The following CACNA1H variants were observed in gnomAD, a reference collection of about 807,000 sequenced individuals.
CACNA1H encodes calcium voltage-gated channel subunit alpha1 H, also known as voltage-dependent T-type calcium channel subunit alpha-1H.
A neutral mutation model predicts 192.5 loss-of-function variants in CACNA1H; 149 were observed. That is an observed-to-expected ratio of 0.77 (90% CI 0.68 to 0.89). CACNA1H has a LOEUF of 0.89. Ranked by LOEUF, CACNA1H falls within the 40% of genes least tolerant of loss-of-function variation. The pLI, the probability that CACNA1H is intolerant of heterozygous loss-of-function variation, is 0.00. For missense variants in CACNA1H, 4,257 were observed against 3,423.5 expected, an observed-to-expected ratio of 1.24 and a Z score of -6.08; for synonymous variants, 2,202 against 1,475.2, an observed-to-expected ratio of 1.49 and a Z score of -11.29.
chr16:1,159,415 G>C (rs1962884917), intron 2 of CACNA1H: 1 of 152,146 alleles, frequency 6.6e-6, no homozygotes, highest in South Asian at 2.1e-4. Flanking sequence ...GGGGATGTCT[G>C]TATAGCAGAT....
In CACNA1H at chr16:1,213,826, C is replaced by G. The variant is rs1969742358; in HGVS notation, c.4824C>G (p.Arg1608=). ...PYYADYSPTR[R]SIHSLCTSHY... is the part of the protein sequence containing the mutation. ...ATGCCGACTACTCGCCCACGCGCCGCTCCATTCACTCGCTGTGCACCAGCC... is the reference window on the plus strand; with the variant it reads ...ATGCCGACTACTCGCCCACGCGCCGGTCCATTCACTCGCTGTGCACCAGCC... Residue 1608 remains arginine (R), a synonymous_variant, in exon 27 of 35, where the codon CGC becomes CGG. Transcript: ENST00000348261. 6.3e-7 allele frequency: 1 copy of G among 1,592,754 alleles called. No homozygotes were observed. The highest frequency in any genetic ancestry group is 8.5e-7 in the Non-Finnish European group (1 of 1,170,898).
In CACNA1H at chr16:1,180,341, G is replaced by A. The variant is rs1442799460; in HGVS notation, c.300-14631G>A. Among the ~76,000 whole-genome samples, 1 of 152,224 alleles carries A rather than the reference G, an allele frequency of 6.6e-6. No individual in the cohort carries two copies. Among genetic ancestry groups the A allele is most frequent in the Non-Finnish European group, 1.5e-5 (1 of 68,044 alleles). ...CGGGCTGCTGTGGGCTGGGGAGGAC[G>A]GTCCCATAGCTGGGGGCAGAGCAGG... On this transcript the variant is annotated intron_variant, in intron 2 of 34. Transcript: ENST00000348261. The surrounding 1 kb of genome is among the most constrained non-coding windows in gnomAD (Gnocchi z 4.4).
At chr16:1,209,613 C>T (rs1458118818) in intron 17 of CACNA1H, among the ~76,000 whole-genome samples, 1 of 152,196 alleles carries the variant, frequency 6.6e-6, no homozygotes, top group Admixed American at 6.5e-5. Flanking sequence ...CCCCCTCTGC[C>T]GTCTAGGGGC....
chr16:1,155,296 G>T (rs2151614588), intron 2 of CACNA1H, among the ~76,000 whole-genome samples: 1 of 152,358 alleles, frequency 6.6e-6, no homozygotes, highest in East Asian at 1.9e-4. Flanking sequence ...GGGCGGCCTA[G>T]GCCTCTGTAG....
At chr16:1,215,619 G>T (rs1454545153) in intron 30 of CACNA1H, 26 bp downstream of exon 30, 2 of 1,597,956 alleles carry the variant, frequency 1.3e-6, no homozygotes, top group Admixed American at 3.4e-5. Flanking sequence ...GCCATCCTCA[G>T]CGCAGGCCCC....
intron 12 of CACNA1H, chr16:1,206,546 C>G (rs1968735771): frequency 3.7e-6 from 2 of 533,474 alleles, no homozygotes; most frequent in South Asian, 2.4e-5. Context: ...GGGATTTACT[C>G]AAGAGCAGAA....
rs543267343 is a variant in CACNA1H at position 1,208,009 on chromosome 16, G to A, written c.3155-4G>A. On this transcript the variant is annotated splice_region_variant and splice_polypyrimidine_tract_variant and intron_variant, in intron 15 of 34. Coordinates refer to ENST00000348261, the MANE Select transcript of CACNA1H (RefSeq NM_021098.3). ...AGGGGCCCATTCCTCCCTCTGTCCC[G>A]CAGAGCTGAAGATGTGTTCCCTGGC... The A allele has an allele frequency of 6.5e-5, 104 of 1,598,972 alleles. No individual in the cohort carries two copies. Among genetic ancestry groups the A allele is most frequent in the Middle Eastern group, 3.4e-4 (2 of 5,950 alleles).
intron 2 of CACNA1H, among the ~76,000 whole-genome samples, chr16:1,173,891 C>T (rs1024713770): frequency 2.0e-5 from 3 of 146,678 alleles, no homozygotes; most frequent in African/African-American, 5.2e-5. Context: ...GGGCTGTGGA[C>T]ATTTACCTGT....
chr16:1,195,329 G>A, intron 3 of CACNA1H, 103 bp from the exon 4 acceptor site: 1 of 1,457,814 alleles, frequency 6.9e-7, no homozygotes, highest in Non-Finnish European at 9.3e-7. Context: ...GGCGGGGCGA[G>A]GGGTGTGGCA....
rs1241492444 is a variant in CACNA1H, at chr16:1,211,960, C to T, written c.4581C>T (p.His1527=). The T allele has an allele frequency of 1.2e-6, 2 of 1,613,466 alleles. No homozygotes were observed. The highest frequency in any genetic ancestry group is 1.3e-5 in the African/African-American group (1 of 75,050). ...CTGTGCCACAGCCTGTGCAGAACCA[C>T]AACCCCTGGATGCTGCTGTACTTCA... ...VGVDQQPVQN[H]NPWMLLYFIS... The change falls in exon 25 of 35, where the codon CAC becomes CAT. Residue 1527 remains histidine, a synonymous_variant. Transcript: ENST00000348261.
Position 1,205,223 on chromosome 16 carries a change from G to A in CACNA1H, c.2561G>A (p.Arg854Gln), listed in dbSNP as rs370088144. ...GCCTGCGGCCCTCTGGGCTACATCCGGAACCCGTACAACATCTTCGACGGC... is the reference window on the plus strand; with the variant it reads ...GCCTGCGGCCCTCTGGGCTACATCCAGAACCCGTACAACATCTTCGACGGC... ...LLACGPLGYI[R>Q]NPYNIFDGII... The change falls in exon 11 of 35, where the codon CGG becomes CAG. Residue 854 changes from arginine to glutamine, a missense_variant. Transcript: ENST00000348261. 1.8e-4 allele frequency: 297 copies of A among 1,612,822 alleles called. 1 individual carries two copies. In the Middle Eastern group the frequency reaches 2.8e-3, roughly 15 times the overall value.
intron 31 of CACNA1H, among the ~76,000 whole-genome samples, chr16:1,217,689 C>T (rs778970113): frequency 9.2e-5 from 14 of 152,140 alleles, no homozygotes; most frequent in Non-Finnish European, 1.6e-4. Flanking sequence ...AGCCGCCAGG[C>T]CTGATGAGCC....
intron 2 of CACNA1H, among the ~76,000 whole-genome samples, chr16:1,161,920 C>T (rs538904207): frequency 6.6e-5 from 10 of 152,136 alleles, no homozygotes; most frequent in South Asian, 6.2e-4. Flanking sequence ...AGGCAAGGCT[C>T]GGGGCAGATC....
chr16:1,218,782 GGGCAGGCAGGAGGGAGGATGGA>G (rs1386042533), intron 33 of CACNA1H, 131 bp downstream of exon 33: 19 of 1,157,058 alleles, frequency 1.6e-5, no homozygotes, highest in African/African-American at 4.6e-5. Flanking sequence ...AGGAGGATGG[GGGCAGGCAGGAGGGAGGATGGA>G]GGCCAGATTG....
At chr16:1,214,397 G>A (rs1330449085) in intron 27 of CACNA1H, among the ~76,000 whole-genome samples, 1 of 152,246 alleles carries the variant, frequency 6.6e-6, no homozygotes, top group African/African-American at 2.4e-5. Context: ...TCTATGGAAA[G>A]CGTTTTGTGT....
Position 1,215,303 on chromosome 16 carries a change from A to G in CACNA1H, c.5101A>G (p.Ile1701Val), listed in dbSNP as rs1214353309. The G allele has an allele frequency of 6.2e-7, 1 of 1,610,326 alleles. No individual in the cohort carries two copies. The highest frequency in any genetic ancestry group is 8.5e-7 in the Non-Finnish European group (1 of 1,178,868). The stretch of plus-strand genomic sequence containing the variant: ...ACTCATGGGCATCACGCTGGAGGAG[A>G]TAGAGATGAGCGCCGCGCTGCCCAT... ...LSLMGITLEE[I>V]EMSAALPINP... is the part of the protein sequence containing the mutation. The change falls in exon 29 of 35, where the codon ATA (isoleucine) becomes GTA (valine). Residue 1701 changes from isoleucine (I) to valine (V), a missense_variant. By Grantham distance (29) the Ile-to-Val change is conservative. Transcript: ENST00000348261.
At chr16:1,196,547 A>C (rs548937660) in intron 5 of CACNA1H, among the ~76,000 whole-genome samples, 1 of 152,208 alleles carries the variant, frequency 6.6e-6, no homozygotes, top group South Asian at 2.1e-4. Flanking sequence ...CTCTCCTGCC[A>C]GGATCCCCAC....
rs759924315 is a variant in CACNA1H at position 1,220,076 on chromosome 16, G to T, written c.6144G>T (p.Pro2048=). The change falls in exon 35 of 35, where the codon CCG becomes CCT. Residue 2048 remains proline (P), a synonymous_variant. Transcript: ENST00000348261. ...CTGGTGAGAAAACCCCGGTGAGGCCGGTGACCCAGGGGGGCTCCCTGCAGT... is the reference window on the plus strand; with the variant it reads ...CTGGTGAGAAAACCCCGGTGAGGCCTGTGACCCAGGGGGGCTCCCTGCAGT... The part of the protein sequence containing the change: ...AEPGEKTPVR[P]VTQGGSLQSP... 5 of 1,444,428 alleles carry T rather than the reference G, an allele frequency of 3.5e-6. No individual in the cohort carries two copies. In the African/African-American group the frequency reaches 7.4e-5, roughly 21 times the overall value. 89.5% of individuals were successfully genotyped at this position (1,444,428 alleles called of 1,614,324 possible).
chr16:1,174,016 A>G (rs1434925927), intron 2 of CACNA1H, among the ~76,000 whole-genome samples: 1 of 152,206 alleles, frequency 6.6e-6, no homozygotes, highest in Non-Finnish European at 1.5e-5. Context: ...GTAGGGCCTC[A>G]CATCATGCGG....
Sources: gnomAD v4.1 joint callset for allele counts (sites outside exome capture counted in the v4.1 genomes callset) on GRCh38, gnomAD v4.1.1 for gene constraint, Gnocchi (gnomAD v3.1) non-coding constraint, MANE v1.5 for transcripts, NCBI Gene and HGNC (gene_info 2026-07-23, HGNC 2026-07-21) for gene names.